CPLX2: variants seen among roughly 807,000 people sequenced by gnomAD.
CPLX2 encodes complexin 2, also known as complexin-2.
Under a neutral mutation model 16.3 loss-of-function variants are expected in CPLX2, and 5 were observed. The observed-to-expected ratio is 0.31, with a 90% CI of 0.16 to 0.64. CPLX2 has a LOEUF of 0.64. Ranked by LOEUF, CPLX2 falls within the 30% of genes least tolerant of loss-of-function variation. CPLX2 has a pLI of 0.79. For synonymous variants in CPLX2, 89 were observed against 73.2 expected, an observed-to-expected ratio of 1.22 and a Z score of -1.10; for missense variants, 144 against 181.4, an observed-to-expected ratio of 0.79 and a Z score of 1.18.
rs189577749 is a variant in CPLX2, at chr5:175,813,416, G to T, written c.-89+4348G>T. On this transcript the variant is annotated intron_variant, in intron 2 of 4. Coordinates refer to the CPLX2 transcript ENST00000359546. Reference sequence around the variant, plus strand: ...ATCACAGTGTCTGTCACTTAAGAAGGGCTCAAAAAGTTAGTTCTTATATCC... The same window carrying T: ...ATCACAGTGTCTGTCACTTAAGAAGTGCTCAAAAAGTTAGTTCTTATATCC... Among the ~76,000 whole-genome samples, 42 of 152,284 alleles carry T rather than the reference G, an allele frequency of 2.8e-4. 1 individual carries two copies. The highest frequency in any genetic ancestry group is 9.4e-4 in the African/African-American group (39 of 41,574).
At chr5:175,869,669 C>T (rs375818881), upstream of CPLX2, among the ~76,000 whole-genome samples, 6 of 152,314 alleles carry the variant, frequency 3.9e-5, no homozygotes, top group East Asian at 9.6e-4. Context: ...ATGCCCCCTC[C>T]GTGTTCTTTC....
At chr5:175,815,000 G>A (rs1349012783) in intron 2 of CPLX2, among the ~76,000 whole-genome samples, 1 of 152,216 alleles carries the variant, frequency 6.6e-6, no homozygotes, top group African/African-American at 2.4e-5. Context: ...GAAAATCAAA[G>A]GGCTGTCACC....
At chr5:175,848,845 G>A (rs1759098873) in intron 2 of CPLX2, among the ~76,000 whole-genome samples, 1 of 152,180 alleles carries the variant, frequency 6.6e-6, no homozygotes, top group Non-Finnish European at 1.5e-5. Flanking sequence ...GCAGCAGAGA[G>A]CATGTGCAAA....
chr5:175,811,305 T>C (rs994291056), intron 2 of CPLX2, among the ~76,000 whole-genome samples: 2 of 152,182 alleles, frequency 1.3e-5, no homozygotes, highest in African/African-American at 4.8e-5. Context: ...AGGCTGTTGG[T>C]TGGCCTGTCT....
intron 2 of CPLX2, among the ~76,000 whole-genome samples, chr5:175,827,105 C>T (rs113376524): frequency 1.2e-4 from 18 of 152,184 alleles, no homozygotes; most frequent in Non-Finnish European, 1.3e-4. Context: ...TCCAACAGCC[C>T]CATCAAAAGT....
intron 2 of CPLX2, among the ~76,000 whole-genome samples, chr5:175,816,236 C>T (rs989873670): frequency 1.3e-5 from 2 of 151,982 alleles, no homozygotes; most frequent in African/African-American, 4.8e-5. Context: ...GGTGCAATCT[C>T]GGCTCACTGC....
At chr5:175,808,492 G>T (rs186009176) in intron 1 of CPLX2, among the ~76,000 whole-genome samples, 2 of 151,956 alleles carry the variant, frequency 1.3e-5, no homozygotes, top group Non-Finnish European at 2.9e-5. Context: ...CTTCACAGAC[G>T]TGGTCTTATT....
chr5:175,857,374 T>C (rs1399578934), intron 2 of CPLX2, among the ~76,000 whole-genome samples: 2 of 152,210 alleles, frequency 1.3e-5, no homozygotes, highest in East Asian at 3.9e-4. Flanking sequence ...CACTCACCAC[T>C]CTGAATTATC....
rs151244250 is a variant in CPLX2 at position 175,863,451 on chromosome 5, C to A, written c.-88-15201C>A. Among the ~76,000 whole-genome samples the A allele has an allele frequency of 2.6e-5, 4 of 152,300 alleles. No homozygotes were observed. The East Asian group carries it at 7.7e-4, about 29-fold the overall frequency. ...GAACAAGGGCTTAACCTCTCTGAGTCTGAATATCCCTCTCTGAATACAAAG... is the reference window on the plus strand; with the variant it reads ...GAACAAGGGCTTAACCTCTCTGAGTATGAATATCCCTCTCTGAATACAAAG... On this transcript the variant is annotated intron_variant, in intron 2 of 4. Coordinates refer to the CPLX2 transcript ENST00000359546.
chr5:175,840,201 A>C (rs1758920967), intron 2 of CPLX2, among the ~76,000 whole-genome samples: 1 of 152,064 alleles, frequency 6.6e-6, no homozygotes, highest in African/African-American at 2.4e-5. Context: ...CATAAAACAT[A>C]TGTTTTTTTT....
At chr5:175,844,542 C>G (rs1759006422) in intron 2 of CPLX2, among the ~76,000 whole-genome samples, 1 of 152,180 alleles carries the variant, frequency 6.6e-6, no homozygotes, top group Non-Finnish European at 1.5e-5. Context: ...AGGAGGGTGG[C>G]TTGTTGTATA....
At chr5:175,860,542 TAGATAGAA>T (rs1561786469) in intron 2 of CPLX2, among the ~76,000 whole-genome samples, 73 of 13,854 alleles carry the variant, frequency 5.3e-3, no homozygotes, top group East Asian at 0.029. Context: ...GAAAGAAAGA[TAGATAGAA>T]AGAAAGAAAG....
chr5:175,847,894 C>T (rs1759079102), intron 2 of CPLX2, among the ~76,000 whole-genome samples: 1 of 152,240 alleles, frequency 6.6e-6, no homozygotes, highest in African/African-American at 2.4e-5. Context: ...GCTTTCTCAG[C>T]TGCCGGCGAG....
rs1759668817 is a variant in CPLX2, at chr5:175,872,976, G to A, written c.-89+1271G>A. The A allele has an allele frequency of 1.3e-5, 2 of 152,130 alleles. No individual in the cohort carries two copies. The highest frequency in any genetic ancestry group is 4.8e-5 in the African/African-American group (2 of 41,408). The allele number at this position is 152,130 out of a possible 1,614,324, so 9.4% of individuals were successfully genotyped here. ...GACGGGCTCGGAGGGAGTCGGAGAG[G>A]GGAAGGAAGCTGAAGGCGCGCCCTG... On this transcript the variant is annotated intron_variant, in intron 1 of 3. Transcript: ENST00000393745. The surrounding 1 kb of genome is among the most constrained non-coding windows in gnomAD (Gnocchi z 5.0).
intron 2 of CPLX2, among the ~76,000 whole-genome samples, chr5:175,838,454 G>C (rs1450408170): frequency 6.6e-6 from 1 of 151,984 alleles, no homozygotes; most frequent in Non-Finnish European, 1.5e-5. Context: ...ATTTTTAGTA[G>C]AGATGGGGTT....
chr5:175,810,302 A>G (rs1161752033), intron 2 of CPLX2, among the ~76,000 whole-genome samples: 1 of 108,418 alleles, frequency 9.2e-6, no homozygotes, highest in Non-Finnish European at 2.4e-5. Flanking sequence ...TGTCACACAG[A>G]GAGTCGGGGA....
intron 2 of CPLX2, among the ~76,000 whole-genome samples, chr5:175,816,952 T>G (rs1758419064): frequency 6.6e-6 from 1 of 152,200 alleles, no homozygotes; most frequent in South Asian, 2.1e-4. Context: ...CAGAAAGAAA[T>G]TGCCACCTGG....
intron 2 of CPLX2, among the ~76,000 whole-genome samples, chr5:175,838,624 G>A (rs974608959): frequency 6.6e-6 from 1 of 152,128 alleles, no homozygotes; most frequent in African/African-American, 2.4e-5. Context: ...CCAAGCCTCA[G>A]AGCCAGGTCT....
In CPLX2 at chr5:175,818,650, C is replaced by CTTTTTTTTTT. The variant is rs70988300; in HGVS notation, c.-89+9602_-89+9611dup. On this transcript the variant is annotated intron_variant, in intron 2 of 4. Transcript: ENST00000359546. Reference sequence around the variant, plus strand: ...CTGCAAAAGGAGCTGCTGTCCCAACCTTTTTTTTTTTTTTTTTTTTTTTTT... The same window carrying CTTTTTTTTTT: ...CTGCAAAAGGAGCTGCTGTCCCAACCTTTTTTTTTTTTTTTTTTTTTTTTTTTTTTTTTTT... Among the ~76,000 whole-genome samples, 14 of 50,864 alleles carry CTTTTTTTTTT rather than the reference C, an allele frequency of 2.8e-4. 3 individuals are homozygous for CTTTTTTTTTT. Among genetic ancestry groups the CTTTTTTTTTT allele is most frequent in the East Asian group, 1.5e-3 (2 of 1,358 alleles). 33.4% of individuals were successfully genotyped at this position (50,864 alleles called of 152,430 possible).
Sources: gnomAD v4.1 joint callset for allele counts (sites outside exome capture counted in the v4.1 genomes callset) on GRCh38, gnomAD v4.1.1 for gene constraint, Gnocchi (gnomAD v3.1) non-coding constraint, MANE v1.5 for transcripts, NCBI Gene and HGNC (gene_info 2026-07-23, HGNC 2026-07-21) for gene names.